The following OSCAR variants were observed in gnomAD, a reference collection of about 807,000 sequenced individuals.
OSCAR encodes osteoclast-associated immunoglobulin-like receptor.
In OSCAR, 25 loss-of-function variants were observed where a neutral mutation model predicts 27.3. The observed-to-expected ratio is 0.92, with a 90% confidence interval of 0.67 to 1.28. The LOEUF is 1.28. OSCAR is among the 50% of genes most tolerant of loss of function. The pLI is 0.00. For missense variants in OSCAR, 354 were observed against 355.1 expected (o/e 1.00, Z 0.03); for synonymous variants, 158 against 165.7 (o/e 0.95, Z 0.36).
intron 2 of OSCAR, among the ~76,000 whole-genome samples, chr19:54,098,608 C>T (rs768817496): frequency 7.9e-5 from 12 of 151,774 alleles, no homozygotes; most frequent in Non-Finnish European, 1.6e-4. Context: ...TGTCTGAGCC[C>T]AGGAATTCAA....
rs756094784 is a variant in OSCAR, at chr19:54,097,051, AT to A, written c.183del (p.Arg61SerfsTer30). The A allele has an allele frequency of 9.3e-6, 15 of 1,614,112 alleles. No homozygotes were observed. Among genetic ancestry groups the A allele is most frequent in the Non-Finnish European group, 1.2e-5 (14 of 1,180,014 alleles). ...ATCTCTCCAGGCTTGAAAAGTCCAA[AT>A]CTCCAAGCGGGTTGGGGTGCCCGGC... ...LRCRAPQPAW[R>X]FGLFKPGEIA... On this transcript the variant is annotated frameshift_variant, in exon 3 of 5. Transcript: ENST00000358375. LOFTEE classifies it high-confidence loss of function.
chr19:54,094,972 G>T lies in OSCAR; in HGVS notation c.*249C>A. The T allele has an allele frequency of 1.9e-6, 1 of 512,982 alleles. No individual in the cohort carries two copies. The highest frequency in any genetic ancestry group is 3.2e-6 in the Non-Finnish European group (1 of 308,414). The allele number at this position is 512,982 out of a possible 1,614,324, so 31.8% of individuals were successfully genotyped here. On this transcript the variant is annotated 3_prime_UTR_variant, in exon 5 of 5. Transcript: ENST00000358375. The stretch of plus-strand genomic sequence containing the variant: ...CTGCTACTACTACAGTGAGTAGACG[G>T]CAGTGCTGGGATTCGAACCCTCTGT...
At position 54,095,007 on chromosome 19, in the gene OSCAR, TG is replaced by T. The variant is rs1395989670; in HGVS notation, c.*213del. On this transcript the variant is annotated 3_prime_UTR_variant, in exon 5 of 5. Transcript: ENST00000358375. ...GATTCGAACCCTCTGTCTTCTGGCT[TG>T]GAAGTCTTAACCACTAATCGCGTCT... The T allele has an allele frequency of 1.4e-6, 1 of 693,160 alleles. No individual in the cohort carries two copies. Among genetic ancestry groups the T allele is most frequent in the African/African-American group, 1.9e-5 (1 of 54,032 alleles). 42.9% of individuals were successfully genotyped at this position (693,160 alleles called of 1,614,324 possible).
chr19:54,100,749 G>C lies in OSCAR; in HGVS notation c.37+7C>G. 1 of 1,551,880 alleles carries C rather than the reference G, an allele frequency of 6.4e-7. No homozygotes were observed. The highest frequency in any genetic ancestry group is 8.7e-7 in the Non-Finnish European group (1 of 1,147,028). On this transcript the variant is annotated splice_region_variant and intron_variant, in intron 1 of 4. Transcript: ENST00000358375. Reference sequence around the variant, plus strand: ...AGGAACCCAGGGAGAAGAAAGGGGTGACTCACAGAGGGTCAGCAGCTGGAG... The same window carrying C: ...AGGAACCCAGGGAGAAGAAAGGGGTCACTCACAGAGGGTCAGCAGCTGGAG...
chr19:54,097,009 G>C lies in OSCAR; in HGVS notation c.226C>G (p.Arg76Gly). Residue 76 changes from arginine (R) to glycine (G), a missense_variant, in exon 3 of 5, where the codon CGG becomes GGG. By Grantham distance (125) the Arg-to-Gly change is moderately radical. Coordinates refer to ENST00000358375, the MANE Select transcript of OSCAR (RefSeq NM_133169.6). ...TCTGCCAGCTCGGAGGACACATCCC[G>C]GAAGAGAAGGGGAGCGATCTCTCCA... Reference protein sequence around the residue: ...KPGEIAPLLFRDVSSELAEFF... With the variant: ...KPGEIAPLLFGDVSSELAEFF... 1 of 1,613,890 alleles carries C rather than the reference G, an allele frequency of 6.2e-7. No homozygotes were observed. The highest frequency in any genetic ancestry group is 8.5e-7 in the Non-Finnish European group (1 of 1,179,778).
In OSCAR at chr19:54,096,912, C is replaced by G; in HGVS notation, c.323G>C (p.Gly108Ala). 6.2e-7 allele frequency: 1 copy of G among 1,614,134 alleles called. No individual in the cohort carries two copies. Among genetic ancestry groups the G allele is most frequent in the Non-Finnish European group, 8.5e-7 (1 of 1,180,008 alleles). Residue 108 changes from glycine (G) to alanine (A), a missense_variant, in exon 3 of 5, where the codon GGG becomes GCG. Transcript: ENST00000358375. ...GCTGGGCTGGGACCAGACACCCGGCCCCCAGTCTGGCCTTCGGTAGCAGCA... is the reference window on the plus strand; with the variant it reads ...GCTGGGCTGGGACCAGACACCCGGCGCCCAGTCTGGCCTTCGGTAGCAGCA... ...YRCCYRRPDWGPGVWSQPSDV... is the reference protein window; with the variant it reads ...YRCCYRRPDWAPGVWSQPSDV...
chr19:54,099,842 TCA>T lies in OSCAR; in HGVS notation c.38-64_38-63del, dbSNP rs2072955270. The stretch of plus-strand genomic sequence containing the variant: ...TTTTTTTTTTGTCTGAGGCAGAGTC[TCA>T]CTCTGTCGCCCAGGCTGGAGTGTAG... On this transcript the variant is annotated intron_variant, in intron 1 of 4. Transcript: ENST00000358375. 14 of 1,545,128 alleles carry T rather than the reference TCA, an allele frequency of 9.1e-6. No homozygotes were observed. In the African/African-American group the frequency reaches 2.0e-4, roughly 22 times the overall value.
In OSCAR at chr19:54,094,974, A is replaced by AG. The variant is rs2072548729; in HGVS notation, c.*246dup. 1 of 517,958 alleles carries AG rather than the reference A, an allele frequency of 1.9e-6. No individual in the cohort carries two copies. Among genetic ancestry groups the AG allele is most frequent in the South Asian group, 3.9e-5 (1 of 25,386 alleles). 32.1% of individuals were successfully genotyped at this position (517,958 alleles called of 1,614,324 possible). A position where few individuals can be genotyped will look rare whatever the true frequency, so the allele number is the denominator to read the frequency against. On this transcript the variant is annotated 3_prime_UTR_variant, in exon 5 of 5. Transcript: ENST00000358375. ...GCTACTACTACAGTGAGTAGACGGC[A>AG]GTGCTGGGATTCGAACCCTCTGTCT...
At position 54,096,119 on chromosome 19, in the gene OSCAR, G is replaced by C. The variant is rs1271452975; in HGVS notation, c.408C>G (p.Pro136=). ...TGGCGCCAGGACCCACCACCGGCCCGGGCAGCGCCACCAGCGACGGCCGCG... is the reference window on the plus strand; with the variant it reads ...TGGCGCCAGGACCCACCACCGGCCCCGGCAGCGCCACCAGCGACGGCCGCG... ...ELPRPSLVAL[P]GPVVGPGANV... is the part of the protein sequence containing the mutation. The change falls in exon 4 of 5, where the codon CCC becomes CCG. Residue 136 remains proline (P), a synonymous_variant. Coordinates refer to ENST00000358375, the MANE Select transcript of OSCAR (RefSeq NM_133169.6). The C allele has an allele frequency of 2.0e-6, 3 of 1,526,994 alleles. No individual in the cohort carries two copies. The highest frequency in any genetic ancestry group is 2.0e-5 in the Admixed American group (1 of 50,046). The allele number at this position is 1,526,994 out of a possible 1,614,324, so 94.6% of individuals were successfully genotyped here.
rs997585501 is a variant in OSCAR at position 54,100,711 on chromosome 19, C to G, written c.37+45G>C. On this transcript the variant is annotated intron_variant, in intron 1 of 4. Coordinates refer to ENST00000358375, the MANE Select transcript of OSCAR (RefSeq NM_133169.6). ...GGTCTCCATTGCCTCTCTCTCTGCC[C>G]CCAACCCCAGCCAGGAACCCAGGGA... The G allele has an allele frequency of 2.6e-6, 4 of 1,544,220 alleles. No individual in the cohort carries two copies. In the African/African-American group the frequency reaches 5.5e-5, roughly 21 times the overall value.
At chr19:54,096,177 G>C (rs891047211) in intron 3 of OSCAR, 24 bp from the exon 4 acceptor site, 63 of 1,477,432 alleles carry the variant, frequency 4.3e-5, no homozygotes, top group Non-Finnish European at 5.2e-5. Flanking sequence ...GTGAGAGTCC[G>C]GGGCCGCGTG....
chr19:54,099,064 T>TTTG lies in OSCAR; in HGVS notation c.70+681_70+683dup, dbSNP rs1490641414. Among the ~76,000 whole-genome samples the TTTG allele has an allele frequency of 5.6e-3, 837 of 150,580 alleles. 5 individuals carry two copies. The highest frequency in any genetic ancestry group is 0.019 in the African/African-American group (760 of 40,940). ...AATATCTCCAAAAGAGTTTTTTTTG[T>TTTG]TTGTTTGTTTGTTTTTGAAGTGGAG... On this transcript the variant is annotated intron_variant, in intron 2 of 4. Coordinates refer to ENST00000358375, the MANE Select transcript of OSCAR (RefSeq NM_133169.6).
At chr19:54,098,849 T>G (rs1019067862) in intron 2 of OSCAR, among the ~76,000 whole-genome samples, 6 of 151,248 alleles carry the variant, frequency 4.0e-5, no homozygotes, top group Admixed American at 1.3e-4. Flanking sequence ...ATCCGGGCAT[T>G]GTGGTGTGTG....
rs2072942451 is a variant in OSCAR, at chr19:54,099,669, T to C, written c.70+79A>G. On this transcript the variant is annotated intron_variant, in intron 2 of 4. Coordinates refer to ENST00000358375, the MANE Select transcript of OSCAR (RefSeq NM_133169.6). ...GAAAATAAGGATATCTGGGATGGGA[T>C]TGGGCACCAAAATAAAATCTGAGTA... The C allele has an allele frequency of 3.7e-6, 6 of 1,613,664 alleles. No homozygotes were observed. The South Asian group carries it at 4.4e-5, about 12-fold the overall frequency.
chr19:54,100,058 C>T lies in OSCAR; in HGVS notation c.38-278G>A, dbSNP rs587711441. Among the ~76,000 whole-genome samples, 261 of 152,212 alleles carry T rather than the reference C, an allele frequency of 1.7e-3. 1 individual carries two copies. Among genetic ancestry groups the T allele is most frequent in the South Asian group, 3.9e-3 (19 of 4,830 alleles). On this transcript the variant is annotated intron_variant, in intron 1 of 4. Transcript: ENST00000358375. ...AACTCCTGTCCTCAGGTGATCCACC[C>T]GCCTCGGCCTCCCAAAGTGCTGGGC...
At chr19:54,095,786 G>A (rs1442854046) in intron 4 of OSCAR, 86 bp downstream of exon 4, 5 of 1,543,060 alleles carry the variant, frequency 3.2e-6, no homozygotes, top group Admixed American at 4.0e-5. Context: ...AGAGGCTGGG[G>A]GCCTGGGCTC....
intron 3 of OSCAR, among the ~76,000 whole-genome samples, 184 bp from the exon 4 acceptor site, chr19:54,096,337 CCT>C (rs199962950): frequency 9.3e-6 from 1 of 107,998 alleles, no homozygotes; most frequent in East Asian, 2.8e-4. Context: ...TCTCTGCCTC[CCT>C]CTCTCTGCCT....
chr19:54,095,489 G>A (rs1372382582), intron 4 of OSCAR, 132 bp from the exon 5 acceptor site: 12 of 1,442,796 alleles, frequency 8.3e-6, no homozygotes, highest in Non-Finnish European at 1.1e-5. Context: ...AGGGGGAGTC[G>A]ATGGAGGCTT....
chr19:54,100,324 AG>A (rs1423459170), intron 1 of OSCAR, among the ~76,000 whole-genome samples: 2 of 152,178 alleles, frequency 1.3e-5, no homozygotes, highest in African/African-American at 2.4e-5. Context: ...CCAAGAGTTC[AG>A]GCCCTTGAAC....
Sources: allele counts gnomAD v4.1 joint callset (sites outside exome capture counted in the v4.1 genomes callset), GRCh38; gene constraint gnomAD v4.1.1; transcripts MANE v1.5; gene names NCBI Gene and HGNC (gene_info 2026-07-23, HGNC 2026-07-21).